The following ATAD2 variants were observed in gnomAD, a reference collection of about 807,000 sequenced individuals.
ATAD2 encodes the protein ATPase family AAA domain containing 2, also known as ATPase family AAA domain-containing protein 2.
In ATAD2, 62 loss-of-function variants were observed where a neutral mutation model predicts 168.9. The ratio of observed to expected loss-of-function variants is 0.37; its 90% CI spans 0.30 to 0.45. The LOEUF (loss-of-function observed/expected upper bound fraction) is 0.45, where lower values mean the gene tolerates loss of function less well. Among genes scored for constraint, ATAD2 ranks in the 20% least tolerant of loss-of-function variants. The pLI is 1.00. For missense variants in ATAD2, 1,419 were observed against 1,667.8 expected (o/e 0.85, Z 2.60); for synonymous variants, 613 against 571.6 (o/e 1.07, Z -1.03).
rs1271812773 is a variant in ATAD2 at position 123,344,911 on chromosome 8, G to C, written c.2691C>G (p.Asp897Glu). Residue 897 changes from aspartate to glutamate, a missense_variant, in exon 19 of 28, where the codon GAC becomes GAG. Asp to Glu is a conservative substitution (Grantham distance 45). Coordinates refer to ENST00000287394, the MANE Select transcript of ATAD2 (RefSeq NM_014109.4). Reference protein sequence around the residue: ...FAPVLLLATSDKPHSALPEEV... With the variant: ...FAPVLLLATSEKPHSALPEEV... ...CTTCTGGCAAAGCGGAATGGGGTTT[G>C]TCAGAAGTTGCAAGTAGTAAAACTG... 1.4e-5 allele frequency: 22 copies of C among 1,614,000 alleles called. No individual in the cohort carries two copies. The Admixed American group carries it at 3.5e-4, about 26-fold the overall frequency.
intron 19 of ATAD2, among the ~76,000 whole-genome samples, chr8:123,343,174 C>T (rs1401587191): frequency 6.6e-6 from 1 of 151,938 alleles, no homozygotes; most frequent in Non-Finnish European, 1.5e-5. Context: ...CAAGGTTTCA[C>T]CATGTTGGCC....
intron 11 of ATAD2, among the ~76,000 whole-genome samples, chr8:123,358,788 G>A (rs1828724499): frequency 6.8e-6 from 1 of 146,842 alleles, no homozygotes; most frequent in Non-Finnish European, 1.5e-5. Context: ...CTGGAATGCG[G>A]TGGCCCAATC....
chr8:123,364,005 C>A (rs1393144241), intron 8 of ATAD2, among the ~76,000 whole-genome samples: 1 of 152,042 alleles, frequency 6.6e-6, no homozygotes, highest in Non-Finnish European at 1.5e-5. Flanking sequence ...AAGTTAAAAG[C>A]AAACAATAAC....
At chr8:123,354,864 A>AAATATATATATATAT (rs1554644338) in intron 13 of ATAD2, among the ~76,000 whole-genome samples, 1 of 64,708 alleles carries the variant, frequency 1.5e-5, no homozygotes, top group African/African-American at 8.7e-5. Context: ...AAAAAAAAAA[A>AAATATATATATATAT]ATATATATAT....
chr8:123,394,167 C>T (rs1401295879), intron 1 of ATAD2, among the ~76,000 whole-genome samples: 1 of 151,836 alleles, frequency 6.6e-6, no homozygotes, highest in East Asian at 1.9e-4. Flanking sequence ...ATGACTGAAT[C>T]CTAACCATAT....
At chr8:123,361,671 T>A (rs755147650) in intron 8 of ATAD2, 25 bp from the exon 9 acceptor site, 3 of 1,567,392 alleles carry the variant, frequency 1.9e-6, no homozygotes, top group Non-Finnish European at 2.6e-6. Flanking sequence ...AAAATTGAAA[T>A]CATGATAAGG....
At chr8:123,363,803 G>C (rs896556139) in intron 8 of ATAD2, among the ~76,000 whole-genome samples, 1 of 152,066 alleles carries the variant, frequency 6.6e-6, no homozygotes, top group African/African-American at 2.4e-5. Context: ...TAAAATTTTG[G>C]AAAAGTGGAT....
chr8:123,378,676 T>C (rs896426379), intron 2 of ATAD2, among the ~76,000 whole-genome samples: 8 of 103,412 alleles, frequency 7.7e-5, no homozygotes, highest in Non-Finnish European at 1.4e-4. Flanking sequence ...CATTCCAGCA[T>C]GGGCAACAGA....
At chr8:123,332,171 G>A (rs927936097) in intron 24 of ATAD2, among the ~76,000 whole-genome samples, 2 of 152,088 alleles carry the variant, frequency 1.3e-5, no homozygotes, top group East Asian at 3.9e-4. Context: ...TCTAGGCTAC[G>A]TGATTCAATC....
At chr8:123,326,177 G>A (rs1408249193) in intron 25 of ATAD2, 151 bp from the exon 26 acceptor site, 1 of 798,134 alleles carries the variant, frequency 1.3e-6, no homozygotes, top group East Asian at 2.7e-5. Flanking sequence ...ATAAGATTAA[G>A]ATACTGCCAC....
intron 2 of ATAD2, among the ~76,000 whole-genome samples, chr8:123,376,699 A>T (rs988569064): frequency 6.6e-6 from 1 of 152,172 alleles, no homozygotes; most frequent in Admixed American, 6.5e-5. Flanking sequence ...TAGCACCTGT[A>T]ATCCCAGCAC....
Position 123,361,533 on chromosome 8 carries a change from A to G in ATAD2, c.1157+6T>C, listed in dbSNP as rs763007573. 3 of 1,605,734 alleles carry G rather than the reference A, an allele frequency of 1.9e-6. No individual in the cohort carries two copies. Among genetic ancestry groups the G allele is most frequent in the Non-Finnish European group, 2.6e-6 (3 of 1,172,792 alleles). On this transcript the variant is annotated splice_donor_region_variant and intron_variant, in intron 9 of 27. Coordinates refer to ENST00000287394, the MANE Select transcript of ATAD2 (RefSeq NM_014109.4). ...TAGTTTAAAAAGGCATCAATATGGC[A>G]CTTACCTATTGATAGCCCTATTACG...
rs1829090159 is a variant in ATAD2 at position 123,369,884 on chromosome 8, TCTC to T, written c.865_867del (p.Glu289del). 6.2e-7 allele frequency: 1 copy of T among 1,611,364 alleles called. No homozygotes were observed. The highest frequency in any genetic ancestry group is 1.1e-5 in the South Asian group (1 of 90,992). On this transcript the variant is annotated inframe_deletion, in exon 7 of 28. Transcript: ENST00000287394. ...TGTCTAAGATAATATCGCTTCTGAT[TCTC>T]TTCTTCTCCATCTTCTTCATCTTCA...
intron 27 of ATAD2, among the ~76,000 whole-genome samples, 181 bp downstream of exon 27, chr8:123,322,757 T>G (rs1441815951): frequency 2.0e-5 from 3 of 152,196 alleles, no homozygotes; most frequent in Non-Finnish European, 4.4e-5. Flanking sequence ...TAATTCATAA[T>G]CCACATATTA....
At chr8:123,390,556 G>A (rs1829800109) in intron 1 of ATAD2, among the ~76,000 whole-genome samples, 1 of 152,122 alleles carries the variant, frequency 6.6e-6, no homozygotes. Flanking sequence ...TACTTTTCAT[G>A]TTTCTGTACT....
intron 13 of ATAD2, among the ~76,000 whole-genome samples, chr8:123,349,834 T>C (rs1828390252): frequency 6.6e-6 from 1 of 151,094 alleles, no homozygotes; most frequent in African/African-American, 2.4e-5. Context: ...GCCAGGAGTT[T>C]GAGACCAGCC....
intron 1 of ATAD2, among the ~76,000 whole-genome samples, chr8:123,405,908 C>A (rs1813062785): frequency 6.6e-6 from 1 of 152,124 alleles, no homozygotes. Flanking sequence ...TCTAGAAGTG[C>A]AATGGCTAGG....
intron 2 of ATAD2, among the ~76,000 whole-genome samples, chr8:123,373,049 C>A (rs908697075): frequency 1.3e-5 from 2 of 151,980 alleles, no homozygotes; most frequent in African/African-American, 4.8e-5. Context: ...CCTGTCATCT[C>A]GCCCGGCTAA....
chr8:123,413,307 C>G (rs1278073072), intron 1 of ATAD2, among the ~76,000 whole-genome samples: 1 of 149,114 alleles, frequency 6.7e-6, no homozygotes, highest in Admixed American at 6.7e-5. Flanking sequence ...GAATGGAGCT[C>G]AGCTCTTTCC....
Sources: gnomAD v4.1 joint callset for allele counts (sites outside exome capture counted in the v4.1 genomes callset) on GRCh38, gnomAD v4.1.1 for gene constraint, MANE v1.5 for transcripts, NCBI Gene and HGNC (gene_info 2026-07-23, HGNC 2026-07-21) for gene names.